The following RHOA variants were observed in gnomAD, a reference collection of about 807,000 sequenced individuals.
The protein encoded by RHOA is ras homolog family member A, also known as transforming protein RhoA.
RHOA carries 3 observed loss-of-function variants against 17.5 expected under a neutral mutation model. The observed-to-expected ratio is 0.17, with a 90% CI of 0.08 to 0.44. The LOEUF is 0.44. Ranked by LOEUF, RHOA falls within the 20% of genes least tolerant of loss-of-function variation. The pLI is 0.99. For missense variants in RHOA, 56 were observed against 242.3 expected (o/e 0.23, Z 5.10); for synonymous variants, 98 against 88.4 (o/e 1.11, Z -0.61).
At chr3:49,365,060 G>A (rs1438038083) in intron 3 of RHOA, 2 of 152,056 alleles carry the variant, frequency 1.3e-5, no homozygotes, top group African/African-American at 4.8e-5. Flanking sequence ...TACTGTTACT[G>A]GGTTTACTGT....
chr3:49,385,905 T>G (rs1269692088), intron 1 of RHOA, among the ~76,000 whole-genome samples: 1 of 152,176 alleles, frequency 6.6e-6, no homozygotes, highest in Non-Finnish European at 1.5e-5. Context: ...ACTGAGGGTT[T>G]ACTTTGGATT....
chr3:49,400,618 G>A (rs1210988391), intron 1 of RHOA, among the ~76,000 whole-genome samples: 1 of 152,052 alleles, frequency 6.6e-6, no homozygotes, highest in African/African-American at 2.4e-5. Context: ...CTACTCAGGA[G>A]GCTGAGGTAG....
At chr3:49,366,267 G>A (rs1174969098) in intron 3 of RHOA, among the ~76,000 whole-genome samples, 1 of 151,996 alleles carries the variant, frequency 6.6e-6, no homozygotes. Flanking sequence ...CAGCCTCCAG[G>A]GCCTTCCAGC....
At chr3:49,396,298 G>C (rs1467318546) in intron 1 of RHOA, among the ~76,000 whole-genome samples, 1 of 152,152 alleles carries the variant, frequency 6.6e-6, no homozygotes, top group Non-Finnish European at 1.5e-5. Flanking sequence ...CCGGGGCCAG[G>C]CCTGGTGGCT....
intron 1 of RHOA, among the ~76,000 whole-genome samples, chr3:49,408,996 G>T (rs1207356755): frequency 1.3e-5 from 2 of 150,988 alleles, no homozygotes; most frequent in Non-Finnish European, 3.0e-5. Context: ...GGGTTTCACC[G>T]TGTTAGCCAG....
intron 1 of RHOA, among the ~76,000 whole-genome samples, chr3:49,408,939 C>A (rs1318043966): frequency 6.6e-6 from 1 of 151,906 alleles, no homozygotes; most frequent in Non-Finnish European, 1.5e-5. Context: ...ACTACAGGCG[C>A]CCGCCACCAC....
At chr3:49,387,142 A>C (rs1180727456) in intron 1 of RHOA, among the ~76,000 whole-genome samples, 17 of 126,816 alleles carry the variant, frequency 1.3e-4, no homozygotes, top group Non-Finnish European at 2.2e-4. Flanking sequence ...AAAAAAAAAA[A>C]AAAAAAAAAA....
At chr3:49,411,393 A>G (rs1344579953) in intron 1 of RHOA, among the ~76,000 whole-genome samples, 1 of 152,278 alleles carries the variant, frequency 6.6e-6, no homozygotes, top group Non-Finnish European at 1.5e-5. Flanking sequence ...AAAAAGCAAA[A>G]TGGAGTTGTA....
intron 3 of RHOA, among the ~76,000 whole-genome samples, chr3:49,367,342 CAAAAAAAAAAAA>C (rs62926260): frequency 5.2e-4 from 42 of 80,488 alleles, no homozygotes; most frequent in African/African-American, 1.6e-3. Context: ...GACTCCCTCT[CAAAAAAAAAAAA>C]AAAAAAAAAA....
At chr3:49,389,886 G>C (rs111903592) in intron 1 of RHOA, among the ~76,000 whole-genome samples, 42,878 of 142,950 alleles carry the variant, frequency 0.3, 6,819 homozygotes, top group Middle Eastern at 0.33. Context: ...GCAGTGAGCC[G>C]AGATGGTGCC....
At chr3:49,367,284 A>G (rs1169830279) in intron 3 of RHOA, among the ~76,000 whole-genome samples, 5 of 146,492 alleles carry the variant, frequency 3.4e-5, no homozygotes, top group Non-Finnish European at 7.5e-5. Flanking sequence ...CAGAGCTTGC[A>G]GTGAGCTGAG....
intron 1 of RHOA, among the ~76,000 whole-genome samples, chr3:49,404,459 A>ACACACACACACACAC (rs1466095718): frequency 0.01 from 31 of 3,034 alleles, no homozygotes; most frequent in Non-Finnish European, 0.044. Context: ...CACACACACA[A>ACACACACACACACAC]AATTAGCCGG....
intron 1 of RHOA, among the ~76,000 whole-genome samples, chr3:49,390,799 G>A (rs1022591637): frequency 6.6e-6 from 1 of 152,044 alleles, no homozygotes; most frequent in Non-Finnish European, 1.5e-5. Flanking sequence ...AAAAGAGTAC[G>A]GGGCCAGGTG....
chr3:49,370,821 CCTCCAATA>C (rs1448917912), intron 2 of RHOA, among the ~76,000 whole-genome samples: 1 of 152,136 alleles, frequency 6.6e-6, no homozygotes, highest in East Asian at 1.9e-4. Flanking sequence ...AAGAGGTCTC[CCTCCAATA>C]CTTGGAACAC....
At chr3:49,361,763 C>T (rs1243721970) in intron 4 of RHOA, among the ~76,000 whole-genome samples, 1 of 152,144 alleles carries the variant, frequency 6.6e-6, no homozygotes, top group Non-Finnish European at 1.5e-5. Flanking sequence ...TGCCTGTAAT[C>T]CCAGCAACTT....
intron 1 of RHOA, among the ~76,000 whole-genome samples, chr3:49,406,545 G>T (rs1489415986): frequency 6.6e-6 from 1 of 152,170 alleles, no homozygotes; most frequent in East Asian, 1.9e-4. Flanking sequence ...GAGGCGGGTG[G>T]ATTGCCTGAG....
chr3:49,372,387 A>T (rs1231623316), intron 2 of RHOA, among the ~76,000 whole-genome samples: 1 of 152,174 alleles, frequency 6.6e-6, no homozygotes, highest in Non-Finnish European at 1.5e-5. Flanking sequence ...AAAGTATCTT[A>T]GAGTTCCTAT....
chr3:49,363,930 T>G (rs537072397), intron 3 of RHOA, among the ~76,000 whole-genome samples: 1 of 152,204 alleles, frequency 6.6e-6, no homozygotes, highest in South Asian at 2.1e-4. Context: ...GTGCCTGCAT[T>G]CCCACCTACT....
intron 1 of RHOA, among the ~76,000 whole-genome samples, chr3:49,401,041 C>CCAAAAAAAA (rs1335819576): frequency 1.5e-5 from 1 of 67,584 alleles, no homozygotes; most frequent in Non-Finnish European, 2.6e-5. Context: ...GACTCCGTCT[C>CCAAAAAAAA]AAAAAAAAAA....
Sources: allele counts gnomAD v4.1 joint callset (sites outside exome capture counted in the v4.1 genomes callset), GRCh38; gene constraint gnomAD v4.1.1; transcripts MANE v1.5; gene names NCBI Gene and HGNC (gene_info 2026-07-23, HGNC 2026-07-21).